Variants in DNAH8 observed in about 807,000 individuals in gnomAD.
DNAH8 encodes the protein axonemal beta dynein heavy chain 8.
DNAH8 carries 382 observed loss-of-function variants against 562.1 expected under a neutral mutation model. That is an observed-to-expected ratio of 0.68 (90% CI 0.63 to 0.74). The LOEUF (loss-of-function observed/expected upper bound fraction) is 0.74. Ranked by LOEUF, DNAH8 falls within the 30% of genes least tolerant of loss-of-function variation. The pLI is 0.00. For synonymous variants in DNAH8, 1,881 were observed against 1,919.4 expected (o/e 0.98, Z 0.52); for missense variants, 5,203 against 5,620.4 (o/e 0.93, Z 2.37).
intron 26 of DNAH8, chr6:38,822,486 C>G: frequency 6.0e-6 from 1 of 166,670 alleles, no homozygotes; most frequent in Non-Finnish European, 1.3e-5. Context: ...TGTAATGTCT[C>G]TCCTTGAACC....
rs1036901422 is a variant in DNAH8, at chr6:38,898,194, A to T, written c.8941-64A>T. 3.4e-5 allele frequency: 48 copies of T among 1,408,786 alleles called. 1 individual carries two copies. The Middle Eastern group carries it at 7.2e-4, about 21-fold the overall frequency. The allele number at this position is 1,408,786 out of a possible 1,614,324, so 87.3% of individuals were successfully genotyped here. The stretch of plus-strand genomic sequence containing the variant: ...AAAATTACTTTTGAGTGTCTTTACA[A>T]TTGCTACTTTAATACATACTTGGAT... On this transcript the variant is annotated intron_variant, in intron 60 of 92. Transcript: ENST00000327475.
chr6:38,837,761 C>G (rs1446851021), intron 32 of DNAH8, among the ~76,000 whole-genome samples, 181 bp from the exon 33 acceptor site: 1 of 152,154 alleles, frequency 6.6e-6, no homozygotes, highest in Non-Finnish European at 1.5e-5. Flanking sequence ...AGCGAACTTT[C>G]CTAAGTGTTT....
intron 11 of DNAH8, among the ~76,000 whole-genome samples, chr6:38,768,684 A>G (rs965751595): frequency 1.3e-4 from 20 of 152,274 alleles, no homozygotes; most frequent in African/African-American, 4.6e-4. Flanking sequence ...TTATTGACTT[A>G]TTGTTGATAA....
chr6:38,898,575 C>T (rs1326644717), intron 61 of DNAH8, among the ~76,000 whole-genome samples, 195 bp downstream of exon 61: 1 of 152,186 alleles, frequency 6.6e-6, no homozygotes, highest in African/African-American at 2.4e-5. Context: ...ATCTACATGG[C>T]AGCAAATGTC....
At chr6:38,950,799 T>C (rs935040985) in intron 81 of DNAH8, among the ~76,000 whole-genome samples, 4 of 151,960 alleles carry the variant, frequency 2.6e-5, no homozygotes, top group Non-Finnish European at 5.9e-5. Flanking sequence ...ACTTAAAAAT[T>C]AGATCTATGT....
chr6:38,926,379 C>T (rs1445511704), intron 74 of DNAH8, among the ~76,000 whole-genome samples, 169 bp downstream of exon 74: 1 of 151,734 alleles, frequency 6.6e-6, no homozygotes, highest in African/African-American at 2.4e-5. Context: ...ATTCTTTTCT[C>T]TCTTTTGTAC....
chr6:38,872,865 C>G (rs1250834337), intron 50 of DNAH8, 41 bp from the exon 51 acceptor site: 2 of 1,606,830 alleles, frequency 1.2e-6, no homozygotes, highest in African/African-American at 2.7e-5. Context: ...ATTTTAATTA[C>G]TTGCAAGTGA....
At chr6:38,910,937 G>T (rs1475963786) in intron 65 of DNAH8, among the ~76,000 whole-genome samples, 1 of 152,184 alleles carries the variant, frequency 6.6e-6, no homozygotes, top group African/African-American at 2.4e-5. Context: ...GTGGACATTT[G>T]AATCGAGTGT....
chr6:38,924,038 G>A lies in DNAH8; in HGVS notation c.10838G>A (p.Gly3613Asp). 1 of 1,613,912 alleles carries A rather than the reference G, an allele frequency of 6.2e-7. No individual in the cohort carries two copies. The highest frequency in any genetic ancestry group is 8.5e-7 in the Non-Finnish European group (1 of 1,179,918). Residue 3613 changes from glycine (G) to aspartate (D), a missense_variant, in exon 73 of 93, where the codon GGT becomes GAT. Physicochemically the swap from Gly to Asp is moderately conservative, Grantham distance 94. Around this residue, in one of 6 missense-constraint regions of DNAH8, gnomAD observed 1,399 missense variants for 1,518.4 expected, o/e 0.92. Transcript: ENST00000327475. ...LLCTGFLSYL[G>D]PFNQIFRNYL... ...TGCACGGGATTCCTTTCCTACCTTG[G>A]TCCTTTCAATCAGATATTTAGGAAC... is the stretch of plus-strand genomic sequence containing the variant.
intron 91 of DNAH8, among the ~76,000 whole-genome samples, chr6:39,018,153 A>G (rs1766678932): frequency 6.6e-6 from 1 of 152,228 alleles, no homozygotes; most frequent in African/African-American, 2.4e-5. Flanking sequence ...TGAGTGAATA[A>G]CAACCCATCC....
At chr6:38,992,109 G>T (rs974471344) in intron 88 of DNAH8, among the ~76,000 whole-genome samples, 1 of 152,106 alleles carries the variant, frequency 6.6e-6, no homozygotes, top group African/African-American at 2.4e-5. Flanking sequence ...GAGATTACAG[G>T]CATGCACCAC....
chr6:38,917,644 C>G (rs1300791757), intron 69 of DNAH8, among the ~76,000 whole-genome samples: 1 of 152,210 alleles, frequency 6.6e-6, no homozygotes, highest in Non-Finnish European at 1.5e-5. Context: ...GGTGTCAACC[C>G]AGCCCAGTTT....
At chr6:38,965,973 AAACTC>A (rs1173980644) in intron 82 of DNAH8, among the ~76,000 whole-genome samples, 2 of 152,228 alleles carry the variant, frequency 1.3e-5, no homozygotes, top group African/African-American at 2.4e-5. Flanking sequence ...AGAGCAAACT[AAACTC>A]AAAGCAGTCA....
intron 68 of DNAH8, among the ~76,000 whole-genome samples, chr6:38,917,026 C>G (rs1195271301): frequency 1.3e-5 from 2 of 152,070 alleles, no homozygotes; most frequent in African/African-American, 2.4e-5. Flanking sequence ...TATTTTAAAC[C>G]AATTCGTTGG....
intron 11 of DNAH8, among the ~76,000 whole-genome samples, chr6:38,762,711 C>A (rs1163135374): frequency 2.0e-5 from 3 of 152,212 alleles, no homozygotes; most frequent in Non-Finnish European, 2.9e-5. Context: ...GGTTATTGGT[C>A]ATCTCTGTGT....
intron 41 of DNAH8, 146 bp from the exon 42 acceptor site, chr6:38,857,372 C>CT (rs976453082): frequency 3.2e-6 from 2 of 616,022 alleles, no homozygotes; most frequent in Non-Finnish European, 5.8e-6. Flanking sequence ...ACGGTTAAAA[C>CT]TTTAACTGTT....
intron 5 of DNAH8, 81 bp downstream of exon 5, chr6:38,734,706 C>A (rs941768047): frequency 6.8e-7 from 1 of 1,469,006 alleles, no homozygotes; most frequent in Non-Finnish European, 9.2e-7. Flanking sequence ...ACTTTGCTTT[C>A]CCTTTTTAAA....
At chr6:38,921,217 C>T (rs1781678324) in intron 70 of DNAH8, 152 bp from the exon 71 acceptor site, 2 of 853,814 alleles carry the variant, frequency 2.3e-6, no homozygotes, top group African/African-American at 1.7e-5. Context: ...AAATACCCTC[C>T]AAGACGCTTT....
intron 12 of DNAH8, among the ~76,000 whole-genome samples, chr6:38,771,732 C>A (rs1403109305): frequency 6.6e-6 from 1 of 152,058 alleles, no homozygotes; most frequent in Non-Finnish European, 1.5e-5. Flanking sequence ...TCATTCCATT[C>A]ATCATTGAAG....
Sources: allele counts gnomAD v4.1 joint callset (sites outside exome capture counted in the v4.1 genomes callset), GRCh38; gene constraint gnomAD v4.1.1; regional missense constraint gnomAD v4.1.1; transcripts MANE v1.5; gene names NCBI Gene and HGNC (gene_info 2026-07-23, HGNC 2026-07-21).